RYR3: variants seen among roughly 807,000 people sequenced by gnomAD.
RYR3 encodes the protein ryanodine receptor 3, also known as brain ryanodine receptor-calcium release channel.
A neutral mutation model predicts 584.3 loss-of-function variants in RYR3; 207 were observed. The observed-to-expected ratio is 0.35, with a 90% CI of 0.32 to 0.40. The LOEUF is 0.40. Ranked by LOEUF, RYR3 falls within the 10% of genes least tolerant of loss-of-function variation. The probability of loss-of-function intolerance (pLI) is 1.00; values close to 1 mark genes in which losing one functional copy is unlikely to be tolerated. For missense variants in RYR3, 5,616 were observed against 6,089.2 expected (o/e 0.92, Z 2.59); for synonymous variants, 2,416 against 2,248.5 (o/e 1.07, Z -2.11).
At chr15:33,560,300 T>C (rs1226147995) in intron 10 of RYR3, among the ~76,000 whole-genome samples, 1 of 152,250 alleles carries the variant, frequency 6.6e-6, no homozygotes, top group East Asian at 1.9e-4. Context: ...TTGTTGCTGC[T>C]GTTCTATTAC....
intron 12 of RYR3, among the ~76,000 whole-genome samples, chr15:33,574,184 T>G (rs1266309548): frequency 1.3e-5 from 2 of 152,188 alleles, no homozygotes; most frequent in Non-Finnish European, 2.9e-5. Flanking sequence ...ATTTGCTGCC[T>G]CAGCGAGCTA....
intron 60 of RYR3, among the ~76,000 whole-genome samples, chr15:33,760,043 A>G (rs572150063): frequency 6.6e-6 from 1 of 152,356 alleles, no homozygotes; most frequent in East Asian, 1.9e-4. Context: ...ACTAAGCTTC[A>G]TAACTGAAGA....
chr15:33,611,353 G>A (rs879023963), intron 18 of RYR3, among the ~76,000 whole-genome samples: 4 of 151,988 alleles, frequency 2.6e-5, no homozygotes, highest in African/African-American at 4.8e-5. Flanking sequence ...TCAGGAGATC[G>A]AGACCATCCT....
At position 33,726,458 on chromosome 15, in the gene RYR3, C is replaced by T; in HGVS notation, c.6985C>T (p.Leu2329=). 3 of 1,608,662 alleles carry T rather than the reference C, an allele frequency of 1.9e-6. No individual in the cohort carries two copies. In the South Asian group the frequency reaches 3.3e-5, roughly 18 times the overall value. Residue 2329 remains leucine (L), a synonymous_variant, in exon 46 of 104, where the codon CTG becomes TTG. Transcript: ENST00000634891. ...ILRSLVPTED[L]VGIISIPLKL... The stretch of plus-strand genomic sequence containing the variant: ...GCGCTCCCTGGTCCCCACAGAAGAC[C>T]TGGTTGGGATCATCAGCATCCCCTT...
rs573420259 is a variant in RYR3, at chr15:33,508,432, A to G, written c.279+4694A>G. Among the ~76,000 whole-genome samples, 7 of 151,952 alleles carry G rather than the reference A, an allele frequency of 4.6e-5. No individual in the cohort carries two copies. The East Asian group carries it at 1.2e-3, about 25-fold the overall frequency. Reference sequence around the variant, plus strand: ...TGGGAGGCTGAGGCGGGCGGATCACAAGGTCAGGAGATCGAGACCATCCTG... The same window carrying G: ...TGGGAGGCTGAGGCGGGCGGATCACGAGGTCAGGAGATCGAGACCATCCTG... On this transcript the variant is annotated intron_variant, in intron 3 of 103. Transcript: ENST00000634891.
At chr15:33,562,636 C>T (rs535361188) in intron 10 of RYR3, among the ~76,000 whole-genome samples, 70 of 152,130 alleles carry the variant, frequency 4.6e-4, no homozygotes, top group Non-Finnish European at 6.2e-4. Context: ...GTAACCAGAA[C>T]TCGAAAGCCA....
intron 2 of RYR3, among the ~76,000 whole-genome samples, chr15:33,502,066 G>A (rs929653178): frequency 6.6e-6 from 1 of 152,142 alleles, no homozygotes; most frequent in African/African-American, 2.4e-5. Context: ...TATTTAAGTA[G>A]AAAAGTACTC....
At chr15:33,680,338 C>T (rs769795216) in intron 38 of RYR3, among the ~76,000 whole-genome samples, 1 of 152,158 alleles carries the variant, frequency 6.6e-6, no homozygotes, top group East Asian at 1.9e-4. Context: ...GGTAGAATAG[C>T]CATTAACAGA....
In RYR3 at chr15:33,838,918, C is replaced by G; in HGVS notation, c.12938C>G (p.Pro4313Arg). The change falls in exon 89 of 104, where the codon CCT becomes CGT. Residue 4313 changes from proline to arginine, a missense_variant. By Grantham distance (103) the Pro-to-Arg change is moderately radical. This residue lies in a region of RYR3 where 918 missense variants were observed against 887.4 expected (regional missense o/e 1.03). Transcript: ENST00000634891. ...LSEIIGKDEP[P>R]TLESTVQKKR... is the part of the protein sequence containing the mutation. ...GAAATTATTGGCAAGGATGAACCCC[C>G]TACATTAGAGAGTACTGTACAGAAG... is the stretch of plus-strand genomic sequence containing the variant. 1 of 1,613,714 alleles carries G rather than the reference C, an allele frequency of 6.2e-7. No homozygotes were observed. The highest frequency in any genetic ancestry group is 8.5e-7 in the Non-Finnish European group (1 of 1,179,734).
intron 47 of RYR3, 29 bp downstream of exon 47, chr15:33,729,055 T>G: frequency 6.3e-7 from 1 of 1,594,886 alleles, no homozygotes; most frequent in Non-Finnish European, 8.6e-7. Context: ...AAAAAATTAT[T>G]GTTCCCATCA....
chr15:33,787,123 C>T lies in RYR3; in HGVS notation c.9590-1095C>T, dbSNP rs73383311. ...AAGGCCACTGATGGAAACTGAAGTT[C>T]GGCCTGTTATTCCACAGGTGAATCT... On this transcript the variant is annotated intron_variant, in intron 66 of 103. Transcript: ENST00000634891. 8.9e-3 allele frequency among the ~76,000 whole-genome samples: 1,356 copies of T among 152,288 alleles called. 23 individuals are homozygous for T. Among genetic ancestry groups the T allele is most frequent in the African/African-American group, 0.029 (1,215 of 41,558 alleles).
At chr15:33,579,873 C>T (rs1257359690) in intron 12 of RYR3, 103 bp from the exon 13 acceptor site, 3 of 784,262 alleles carry the variant, frequency 3.8e-6, no homozygotes, top group Non-Finnish European at 5.7e-6. Context: ...GGAAGCAACT[C>T]ATGGTGCACC....
chr15:33,726,521 T>C lies in RYR3; in HGVS notation c.7033+15T>C. The C allele has an allele frequency of 6.4e-7, 1 of 1,572,198 alleles. No homozygotes were observed. Among genetic ancestry groups the C allele is most frequent in the East Asian group, 2.3e-5 (1 of 42,572 alleles). ...CCTCAACAAAGGTAAGGGGAGTGAC[T>C]GCAGGCTGCAGCAGCAGTCTCCCAG... On this transcript the variant is annotated intron_variant, in intron 46 of 103. Transcript: ENST00000634891.
chr15:33,861,711 A>C (rs1258858161), intron 102 of RYR3, among the ~76,000 whole-genome samples: 1 of 152,120 alleles, frequency 6.6e-6, no homozygotes, highest in East Asian at 1.9e-4. Context: ...ATGTTGCTAA[A>C]TTCTGTGTTC....
At chr15:33,370,097 TC>T (rs750393797) in intron 1 of RYR3, among the ~76,000 whole-genome samples, 1 of 152,182 alleles carries the variant, frequency 6.6e-6, no homozygotes, top group Non-Finnish European at 1.5e-5. Context: ...TGCATCTTTT[TC>T]CCCCTGTAGG....
At chr15:33,396,648 G>A (rs2042316913) in intron 1 of RYR3, among the ~76,000 whole-genome samples, 1 of 152,182 alleles carries the variant, frequency 6.6e-6, no homozygotes, top group East Asian at 1.9e-4. Flanking sequence ...ATGCATGAGT[G>A]AAACAGGCTG....
intron 65 of RYR3, among the ~76,000 whole-genome samples, chr15:33,783,685 G>T (rs567869913): frequency 3.4e-4 from 52 of 152,324 alleles, no homozygotes; most frequent in African/African-American, 1.2e-3. Flanking sequence ...TATGGCAGTG[G>T]CATTGTTCTG....
Position 33,647,952 on chromosome 15 carries a change from TTTTC to T in RYR3, c.3978+498_3978+501del, listed in dbSNP as rs970084977. ...CAGTAGTCAGAAAGCAACTCCTGAT[TTTTC>T]TTTCTATCTCTCATTCTTCTTTAGC... On this transcript the variant is annotated intron_variant, in intron 30 of 103. Transcript: ENST00000634891. Among the ~76,000 whole-genome samples, 7 of 150,042 alleles carry T rather than the reference TTTTC, an allele frequency of 4.7e-5. No individual in the cohort carries two copies. The Admixed American group carries it at 4.7e-4, about 10-fold the overall frequency.
intron 103 of RYR3, 135 bp from the exon 104 acceptor site, chr15:33,864,996 G>A: frequency 1.6e-6 from 1 of 630,824 alleles, no homozygotes; most frequent in Non-Finnish European, 2.8e-6. Context: ...AATAGAGCAA[G>A]AATGAATGTG....
Sources: allele counts gnomAD v4.1 joint callset (sites outside exome capture counted in the v4.1 genomes callset), GRCh38; gene constraint gnomAD v4.1.1; regional missense constraint gnomAD v4.1.1; transcripts MANE v1.5; gene names NCBI Gene and HGNC (gene_info 2026-07-23, HGNC 2026-07-21).